The following FHOD3 variants were observed in gnomAD, a reference collection of about 807,000 sequenced individuals.
FHOD3 encodes formin homology 2 domain containing 3, also known as FH1/FH2 domain-containing protein 3.
FHOD3 carries 90 observed loss-of-function variants against 173.0 expected under a neutral mutation model. The ratio of observed to expected loss-of-function variants is 0.52; its 90% CI spans 0.44 to 0.62. FHOD3 has a LOEUF of 0.62. Among genes scored for constraint, FHOD3 ranks in the 20% least tolerant of loss-of-function variants. FHOD3 has a pLI of 0.00. For synonymous variants in FHOD3, 828 were observed against 823.0 expected (o/e 1.01, Z -0.10); for missense variants, 1,945 against 2,034.7 (o/e 0.96, Z 0.85).
chr18:36,648,261 C>T (rs1049287372), intron 10 of FHOD3, among the ~76,000 whole-genome samples: 27 of 151,942 alleles, frequency 1.8e-4, no homozygotes, highest in Non-Finnish European at 2.2e-4. Flanking sequence ...TAGTTATGTA[C>T]GATGGTGAGG....
At position 36,652,830 on chromosome 18, in the gene FHOD3, C is replaced by T. The variant is rs1568554107; in HGVS notation, c.1547C>T (p.Pro516Leu). Residue 516 changes from proline to leucine, a missense_variant, in exon 12 of 29, where the codon CCC (proline) becomes CTC (leucine). This residue lies in a region of FHOD3 where 1,099 missense variants were observed against 1,051.2 expected (regional missense o/e 1.05). Transcript: ENST00000590592. Reference sequence around the variant, plus strand: ...GTGTCACCGACCATAGACAAGCTGCCCTACGTGCCCCACAGCCCCTTCCAC... The same window carrying T: ...GTGTCACCGACCATAGACAAGCTGCTCTACGTGCCCCACAGCCCCTTCCAC... ...LKVSPTIDKL[P>L]YVPHSPFHLF... The T allele has an allele frequency of 6.5e-7, 1 of 1,535,994 alleles. No individual in the cohort carries two copies.
At chr18:36,701,430 G>A (rs933704046) in intron 17 of FHOD3, among the ~76,000 whole-genome samples, 2 of 152,082 alleles carry the variant, frequency 1.3e-5, no homozygotes, top group African/African-American at 4.8e-5. Context: ...TTTTTATCCT[G>A]TATGATACTA....
At chr18:36,528,672 T>G (rs2056640028) in intron 5 of FHOD3, among the ~76,000 whole-genome samples, 1 of 152,210 alleles carries the variant, frequency 6.6e-6, no homozygotes, top group Non-Finnish European at 1.5e-5. Context: ...GCTTAAGGTT[T>G]ACACAACGCC....
At chr18:36,726,057 T>C (rs944807235) in intron 19 of FHOD3, among the ~76,000 whole-genome samples, 5 of 151,838 alleles carry the variant, frequency 3.3e-5, no homozygotes, top group African/African-American at 9.7e-5. Flanking sequence ...ACAAATCTTA[T>C]GGGGATTTTG....
intron 3 of FHOD3, among the ~76,000 whole-genome samples, chr18:36,455,984 T>C (rs953592011): frequency 3.9e-5 from 6 of 152,164 alleles, no homozygotes. Flanking sequence ...CTGTAGATAC[T>C]GTCAAGGCCA....
chr18:36,636,174 C>G (rs2034869748), intron 10 of FHOD3, among the ~76,000 whole-genome samples: 1 of 152,190 alleles, frequency 6.6e-6, no homozygotes, highest in African/African-American at 2.4e-5. Flanking sequence ...TGAATGTTCA[C>G]AGCACTTTCT....
At chr18:36,601,855 C>T (rs1031800248) in intron 7 of FHOD3, among the ~76,000 whole-genome samples, 2 of 152,170 alleles carry the variant, frequency 1.3e-5, no homozygotes, top group Non-Finnish European at 2.9e-5. Context: ...TTTGGTCTTG[C>T]CCTTGGCTTA....
chr18:36,589,136 C>T (rs2059130838), intron 6 of FHOD3, among the ~76,000 whole-genome samples: 1 of 152,166 alleles, frequency 6.6e-6, no homozygotes, highest in Non-Finnish European at 1.5e-5. Flanking sequence ...CCAAAATGTG[C>T]TAAATCATTA....
chr18:36,562,370 A>C (rs1310159190), intron 5 of FHOD3, among the ~76,000 whole-genome samples: 1 of 152,214 alleles, frequency 6.6e-6, no homozygotes, highest in Admixed American at 6.5e-5. Context: ...AGAGGTCTAT[A>C]ATAAAGGAAT....
chr18:36,442,535 T>C (rs1331650799), intron 3 of FHOD3, among the ~76,000 whole-genome samples: 5 of 152,210 alleles, frequency 3.3e-5, no homozygotes, highest in Admixed American at 6.5e-5. Context: ...TACAGGCAAA[T>C]TTTTAAGCAA....
At chr18:36,696,875 A>G (rs16968173) in intron 17 of FHOD3, among the ~76,000 whole-genome samples, 1,557 of 152,342 alleles carry the variant, frequency 0.01, 38 homozygotes, top group African/African-American at 0.035. Context: ...AAACATGGAA[A>G]GGCATCTCTT....
chr18:36,477,906 G>C (rs990790929), intron 3 of FHOD3, among the ~76,000 whole-genome samples: 11 of 152,286 alleles, frequency 7.2e-5, no homozygotes, highest in African/African-American at 2.4e-4. Flanking sequence ...GAAGAACCAC[G>C]GCATGCAGTG....
intron 3 of FHOD3, among the ~76,000 whole-genome samples, chr18:36,413,251 A>G (rs565470684): frequency 2.0e-5 from 3 of 152,214 alleles, no homozygotes; most frequent in Non-Finnish European, 4.4e-5. Context: ...ACAACTCCTC[A>G]GGGGAACAAG....
chr18:36,719,827 T>A (rs2040661165), intron 19 of FHOD3, among the ~76,000 whole-genome samples: 2 of 152,196 alleles, frequency 1.3e-5, no homozygotes, highest in Non-Finnish European at 2.9e-5. Flanking sequence ...TGCCTGTCAC[T>A]GCTGTGGGAT....
chr18:36,779,935 C>T lies in FHOD3; in HGVS notation c.*405C>T. The T allele has an allele frequency of 2.3e-6, 1 of 430,886 alleles. No individual in the cohort carries two copies. The allele number at this position is 430,886 out of a possible 1,614,324, so 26.7% of individuals were successfully genotyped here. ...AAAATATCCAGATGTAAACCCCAAA[C>T]TTGTACACAAAAGAAAGCACAGATT... On this transcript the variant is annotated 3_prime_UTR_variant, in exon 29 of 29. Coordinates refer to ENST00000590592, the MANE Select transcript of FHOD3 (RefSeq NM_001281740.3).
chr18:36,605,020 T>C (rs2031901180), intron 8 of FHOD3, among the ~76,000 whole-genome samples: 1 of 152,238 alleles, frequency 6.6e-6, no homozygotes, highest in Admixed American at 6.5e-5. Flanking sequence ...CATTTCTTGA[T>C]GAACACCCAG....
chr18:36,627,337 A>G (rs1413195661), intron 10 of FHOD3, among the ~76,000 whole-genome samples: 1 of 152,092 alleles, frequency 6.6e-6, no homozygotes, highest in African/African-American at 2.4e-5. Context: ...CTCCTGCTTC[A>G]TCATGTTTGT....
At chr18:36,345,909 C>T (rs79021426) in intron 1 of FHOD3, among the ~76,000 whole-genome samples, 7,912 of 152,202 alleles carry the variant, frequency 0.052, 677 homozygotes, top group African/African-American at 0.17. Flanking sequence ...AATTTAAAAA[C>T]GGGAATACCA....
Position 36,374,497 on chromosome 18 carries a change from G to C in FHOD3, c.337+1753G>C, listed in dbSNP as rs553539860. Among the ~76,000 whole-genome samples the C allele has an allele frequency of 6.6e-5, 10 of 152,042 alleles. 1 individual carries two copies. The highest frequency in any genetic ancestry group is 2.2e-4 in the African/African-American group (9 of 41,424). On this transcript the variant is annotated intron_variant, in intron 3 of 28. Coordinates refer to ENST00000590592, the MANE Select transcript of FHOD3 (RefSeq NM_001281740.3). ...TAAATATGACTACATAAAGGTCACT[G>C]CTTCTTTGAAAGTTCACTATTTTGG...
Sources: allele counts gnomAD v4.1 joint callset (sites outside exome capture counted in the v4.1 genomes callset), GRCh38; gene constraint gnomAD v4.1.1; regional missense constraint gnomAD v4.1.1; transcripts MANE v1.5; gene names NCBI Gene and HGNC (gene_info 2026-07-23, HGNC 2026-07-21).